NRG1: variants seen among roughly 807,000 people sequenced by gnomAD.
NRG1 encodes the protein pro-neuregulin-1, membrane-bound isoform.
A neutral mutation model predicts 63.8 loss-of-function variants in NRG1; 18 were observed. That is an observed-to-expected ratio of 0.28 (90% CI 0.19 to 0.42). The LOEUF (loss-of-function observed/expected upper bound fraction) is 0.42, where lower values mean the gene tolerates loss of function less well. Ranked by LOEUF, NRG1 falls within the 10% of genes least tolerant of loss-of-function variation. The pLI, the probability that NRG1 is intolerant of heterozygous loss-of-function variation, is 1.00. For synonymous variants in NRG1, 302 were observed against 301.3 expected (o/e 1.00, Z -0.02); for missense variants, 762 against 814.7 (o/e 0.94, Z 0.79).
At chr8:32,197,232 G>T (rs1426672322) in intron 1 of NRG1, among the ~76,000 whole-genome samples, 1 of 151,998 alleles carries the variant, frequency 6.6e-6, no homozygotes, top group African/African-American at 2.4e-5. Flanking sequence ...AAAGTGCTGG[G>T]ATTACAAGCA....
Position 32,297,206 on chromosome 8 carries a change from C to CTAG in NRG1, c.38-298621_38-298619dup, listed in dbSNP as rs762888575. ...TATCTAAAATTTAATTTAAAAATTT[C>CTAG]TAGATTTCTCTGTAAAATCCTGGGA... On this transcript the variant is annotated intron_variant, in intron 1 of 10. Transcript: ENST00000519301. Among the ~76,000 whole-genome samples the CTAG allele has an allele frequency of 4.5e-4, 69 of 152,116 alleles. 1 individual carries two copies. The highest frequency in any genetic ancestry group is 8.5e-4 in the Admixed American group (13 of 15,286).
At chr8:32,593,334 G>T (rs1842825553) in intron 1 of NRG1, among the ~76,000 whole-genome samples, 1 of 152,070 alleles carries the variant, frequency 6.6e-6, no homozygotes, top group East Asian at 1.9e-4. Flanking sequence ...AGTTTTTGGT[G>T]TCATGTAGCA....
intron 1 of NRG1, among the ~76,000 whole-genome samples, chr8:32,397,457 G>A (rs1280834608): frequency 2.0e-5 from 3 of 150,970 alleles, no homozygotes; most frequent in Non-Finnish European, 2.9e-5. Flanking sequence ...GACATATTGT[G>A]ATTTCCAAGT....
rs55953491 is a variant in NRG1 at position 31,947,944 on chromosome 8, CAAAAAAAAAAA to C, written c.37+308531_37+308541del. Among the ~76,000 whole-genome samples the C allele has an allele frequency of 5.2e-4, 17 of 32,968 alleles. No homozygotes were observed. In the East Asian group the frequency reaches 0.026, roughly 51 times the overall value. 21.6% of individuals were successfully genotyped at this position (32,968 alleles called of 152,430 possible). A position where few individuals can be genotyped will look rare whatever the true frequency, so the allele number is the denominator to read the frequency against. ...TGGGCTACAGAGTGAGACTCCATCT[CAAAAAAAAAAA>C]AAAAAAAAAAAAAAAAACTACTACT... On this transcript the variant is annotated intron_variant, in intron 1 of 10. Coordinates refer to the NRG1 transcript ENST00000519301.
chr8:31,960,642 T>G (rs919938370), intron 1 of NRG1, among the ~76,000 whole-genome samples: 1 of 152,232 alleles, frequency 6.6e-6, no homozygotes, highest in Non-Finnish European at 1.5e-5. Context: ...ACGGAGCTAC[T>G]TTTGGCAGCT....
At chr8:32,295,853 C>G (rs1854782341) in intron 1 of NRG1, among the ~76,000 whole-genome samples, 1 of 149,820 alleles carries the variant, frequency 6.7e-6, no homozygotes, top group Non-Finnish European at 1.5e-5. Flanking sequence ...AGGGGAATTG[C>G]TTGAACCCGG....
At chr8:31,882,921 T>G (rs777833641) in intron 1 of NRG1, among the ~76,000 whole-genome samples, 1 of 152,144 alleles carries the variant, frequency 6.6e-6, no homozygotes, top group East Asian at 1.9e-4. Flanking sequence ...ATGAAGATCC[T>G]GTGAACATTA....
intron 5 of NRG1, among the ~76,000 whole-genome samples, chr8:32,717,269 T>C (rs1819486158): frequency 6.6e-6 from 1 of 152,226 alleles, no homozygotes; most frequent in Non-Finnish European, 1.5e-5. Flanking sequence ...ATCGTTTTCT[T>C]TAAGTAAAGC....
At chr8:32,298,015 AC>A (rs1855099161) in intron 1 of NRG1, among the ~76,000 whole-genome samples, 1 of 152,274 alleles carries the variant, frequency 6.6e-6, no homozygotes, top group African/African-American at 2.4e-5. Flanking sequence ...ATCTGTGAGA[AC>A]ATCACTTAAA....
intron 5 of NRG1, chr8:32,647,690 G>A (rs372940761): frequency 2.0e-6 from 3 of 1,524,774 alleles, no homozygotes; most frequent in African/African-American, 1.4e-5. Flanking sequence ...CCGTGAGAGC[G>A]GCCAGGCCTT....
chr8:32,311,493 G>A (rs1856800635), intron 1 of NRG1, among the ~76,000 whole-genome samples: 1 of 152,092 alleles, frequency 6.6e-6, no homozygotes, highest in Admixed American at 6.5e-5. Flanking sequence ...GGCCCTAGAG[G>A]AAGAATGAGA....
At chr8:32,438,042 A>C (rs533232745) in intron 1 of NRG1, among the ~76,000 whole-genome samples, 3 of 152,226 alleles carry the variant, frequency 2.0e-5, no homozygotes, top group Non-Finnish European at 4.4e-5. Flanking sequence ...AATACTTTTT[A>C]CCCAGTTTCC....
At chr8:32,262,326 T>C (rs1850470953) in intron 1 of NRG1, among the ~76,000 whole-genome samples, 1 of 152,128 alleles carries the variant, frequency 6.6e-6, no homozygotes. Context: ...AGTTCTTTGA[T>C]GTATAGTGGG....
At chr8:32,514,570 C>T (rs1286961146) in intron 1 of NRG1, among the ~76,000 whole-genome samples, 2 of 152,030 alleles carry the variant, frequency 1.3e-5, no homozygotes, top group East Asian at 3.8e-4. Context: ...TTTTTATTGC[C>T]ACATGAACTG....
At chr8:32,225,226 G>A (rs1411027743) in intron 1 of NRG1, among the ~76,000 whole-genome samples, 1 of 152,172 alleles carries the variant, frequency 6.6e-6, no homozygotes, top group African/African-American at 2.4e-5. Context: ...CCTCTAGTTA[G>A]TAAGTGGACA....
intron 1 of NRG1, among the ~76,000 whole-genome samples, chr8:32,048,479 A>G (rs2130782525): frequency 8.2e-6 from 1 of 122,302 alleles, no homozygotes; most frequent in Middle Eastern, 5.6e-3. Flanking sequence ...ATATATATAT[A>G]TATATAGTGG....
At chr8:31,922,411 T>A (rs1481625) in intron 1 of NRG1, among the ~76,000 whole-genome samples, 112,227 of 152,066 alleles carry the variant, frequency 0.74, 41,935 homozygotes, top group East Asian at 0.92. Flanking sequence ...CATCAATAAA[T>A]CAGCCCTCAT....
At chr8:31,805,533 A>G (rs531032695) in intron 1 of NRG1, among the ~76,000 whole-genome samples, 5 of 152,240 alleles carry the variant, frequency 3.3e-5, no homozygotes, top group East Asian at 3.9e-4. Context: ...TTTCTTTAAA[A>G]TGAAGTGAAT....
At chr8:32,270,073 G>A (rs1586532508) in intron 1 of NRG1, among the ~76,000 whole-genome samples, 1 of 152,078 alleles carries the variant, frequency 6.6e-6, no homozygotes, top group Admixed American at 6.6e-5. Context: ...AATAAACACA[G>A]AATCCATCAT....
Sources: gnomAD v4.1 joint callset for allele counts (sites outside exome capture counted in the v4.1 genomes callset) on GRCh38, gnomAD v4.1.1 for gene constraint, MANE v1.5 for transcripts, NCBI Gene and HGNC (gene_info 2026-07-23, HGNC 2026-07-21) for gene names.